Variants in BLNK observed in about 807,000 individuals in gnomAD.
BLNK encodes the protein B-cell linker protein.
A neutral mutation model predicts 73.5 loss-of-function variants in BLNK; 29 were observed. The observed-to-expected ratio is 0.39, with a 90% CI of 0.29 to 0.54. BLNK has a LOEUF of 0.54. BLNK is among the 20% of genes least tolerant of loss of function. The pLI is 0.61. For missense variants in BLNK, 460 were observed against 562.8 expected, an observed-to-expected ratio of 0.82 and a Z score of 1.85; for synonymous variants, 176 against 200.8, an observed-to-expected ratio of 0.88 and a Z score of 1.04.
intron 13 of BLNK, 97 bp from the exon 14 acceptor site, chr10:96,201,155 A>T (rs1411950398): frequency 1.3e-5 from 14 of 1,094,372 alleles, no homozygotes; most frequent in African/African-American, 1.5e-5. Flanking sequence ...TGCCAGGGAC[A>T]CATCCACCAA....
chr10:96,220,505 G>A (rs943342921), intron 6 of BLNK, among the ~76,000 whole-genome samples: 2 of 152,136 alleles, frequency 1.3e-5, no homozygotes, highest in African/African-American at 4.8e-5. Flanking sequence ...TCCCAGCATT[G>A]CAATTCAATG....
intron 1 of BLNK, among the ~76,000 whole-genome samples, chr10:96,261,710 A>AT (rs1438144751): frequency 2.6e-5 from 4 of 152,144 alleles, no homozygotes; most frequent in African/African-American, 4.8e-5. Context: ...TTTTTCAATG[A>AT]TTTTATATTA....
At chr10:96,231,600 A>C (rs1186021475) in intron 3 of BLNK, among the ~76,000 whole-genome samples, 1 of 151,942 alleles carries the variant, frequency 6.6e-6, no homozygotes, top group African/African-American at 2.4e-5. Context: ...GGTGGTCCAT[A>C]TCTGTAGTTC....
intron 4 of BLNK, among the ~76,000 whole-genome samples, chr10:96,229,258 C>A (rs1346554837): frequency 6.6e-6 from 1 of 151,004 alleles, no homozygotes; most frequent in East Asian, 2.0e-4. Flanking sequence ...CCTTCCCAGC[C>A]TCTGGTAAAC....
At chr10:96,208,920 C>A (rs1436339408) in intron 9 of BLNK, among the ~76,000 whole-genome samples, 1 of 152,182 alleles carries the variant, frequency 6.6e-6, no homozygotes, top group Admixed American at 6.5e-5. Flanking sequence ...AAACCTTCAA[C>A]ATGGAGGCTT....
chr10:96,206,993 C>G lies in BLNK; in HGVS notation c.817+18G>C, dbSNP rs782678188. 2.5e-6 allele frequency: 4 copies of G among 1,611,938 alleles called. No individual in the cohort carries two copies. Among genetic ancestry groups the G allele is most frequent in the Non-Finnish European group, 2.5e-6 (3 of 1,178,268 alleles). ...ACTTTTAGAGGACATGCTCATCCTT[C>G]AAAATAATAGATTTTACCTTCACAA... On this transcript the variant is annotated intron_variant, in intron 11 of 16. Coordinates refer to ENST00000224337, the MANE Select transcript of BLNK (RefSeq NM_013314.4).
At chr10:96,218,598 G>A (rs1221574819) in intron 6 of BLNK, among the ~76,000 whole-genome samples, 1 of 151,972 alleles carries the variant, frequency 6.6e-6, no homozygotes, top group Non-Finnish European at 1.5e-5. Context: ...AGAGGCTGAG[G>A]TGGGAAGGTT....
intron 1 of BLNK, among the ~76,000 whole-genome samples, chr10:96,249,992 C>T (rs569550120): frequency 6.6e-5 from 10 of 152,244 alleles, no homozygotes; most frequent in African/African-American, 1.4e-4. Flanking sequence ...GAATTATCTA[C>T]GTAAGTGAGG....
Position 96,191,239 on chromosome 10 carries a change from T to A in BLNK, c.*734A>T, listed in dbSNP as rs1437235191. Among the ~76,000 whole-genome samples, 2 of 135,672 alleles carry A rather than the reference T, an allele frequency of 1.5e-5. No individual in the cohort carries two copies. The highest frequency in any genetic ancestry group is 3.4e-5 in the Non-Finnish European group (2 of 58,134). 89.0% of individuals were successfully genotyped at this position (135,672 alleles called of 152,430 possible). On this transcript the variant is annotated 3_prime_UTR_variant, in exon 17 of 17. Coordinates refer to ENST00000224337, the MANE Select transcript of BLNK (RefSeq NM_013314.4). ...AACTGTGAGTCCATTAAACCTCTTT[T>A]TTTTTTTTTTTTTTTATGTAAATCA... is the stretch of plus-strand genomic sequence containing the variant.
intron 4 of BLNK, among the ~76,000 whole-genome samples, chr10:96,228,462 G>A (rs1842367624): frequency 6.6e-6 from 1 of 152,124 alleles, no homozygotes; most frequent in Non-Finnish European, 1.5e-5. Context: ...TCACCATGTT[G>A]GCCAGGCTGG....
At chr10:96,218,679 C>CAA (rs10706950) in intron 6 of BLNK, among the ~76,000 whole-genome samples, 1 of 124,268 alleles carries the variant, frequency 8.0e-6, no homozygotes, top group African/African-American at 3.0e-5. Flanking sequence ...ACCTTGTCTC[C>CAA]AAAAAAAAAA....
chr10:96,266,881 TACTG>T (rs1554914411), intron 1 of BLNK, among the ~76,000 whole-genome samples: 1 of 152,254 alleles, frequency 6.6e-6, no homozygotes, highest in South Asian at 2.1e-4. Flanking sequence ...TGACTTGGTA[TACTG>T]ACTAAGTGGC....
chr10:96,230,250 T>C (rs1489311785), intron 4 of BLNK, among the ~76,000 whole-genome samples: 2 of 152,188 alleles, frequency 1.3e-5, no homozygotes, highest in African/African-American at 2.4e-5. Flanking sequence ...AATGTTCTCT[T>C]GATCACAGCA....
At chr10:96,194,802 G>A (rs1216328928) in intron 16 of BLNK, among the ~76,000 whole-genome samples, 1 of 123,670 alleles carries the variant, frequency 8.1e-6, no homozygotes, top group African/African-American at 3.1e-5. Flanking sequence ...ACGGAGTCTC[G>A]CTCTGTCGCC....
chr10:96,257,246 G>C (rs1554911446), intron 1 of BLNK, among the ~76,000 whole-genome samples: 2 of 152,178 alleles, frequency 1.3e-5, no homozygotes, highest in African/African-American at 4.8e-5. Flanking sequence ...CCAAGGAGAT[G>C]GGGGGTTACA....
In BLNK at chr10:96,201,975, C is replaced by A. The variant is rs587746956; in HGVS notation, c.935-917G>T. 2.8e-4 allele frequency among the ~76,000 whole-genome samples: 43 copies of A among 152,176 alleles called. 2 individuals are homozygous for A. The South Asian group carries it at 8.7e-3, about 31-fold the overall frequency. On this transcript the variant is annotated intron_variant, in intron 13 of 16. Transcript: ENST00000224337. ...GAAAGGAAGAATATGTGGGTGAGAT[C>A]TGCAGGTGGAGAGGGAGGAGGCACT...
chr10:96,189,586 G>C lies in BLNK; in HGVS notation c.*2387C>G. On this transcript the variant is annotated 3_prime_UTR_variant, in exon 17 of 17. Transcript: ENST00000224337. ...AAGGATTCTTGTCCTTTTAATCTTG[G>C]TGTTGATGATGGGTTTGAGTGTTTT... 1.5e-6 allele frequency: 1 copy of C among 684,582 alleles called. No homozygotes were observed. The highest frequency in any genetic ancestry group is 2.9e-5 in the East Asian group (1 of 34,370). 42.4% of individuals were successfully genotyped at this position (684,582 alleles called of 1,614,324 possible).
At chr10:96,270,037 T>A (rs1052444045) in intron 1 of BLNK, among the ~76,000 whole-genome samples, 12 of 152,200 alleles carry the variant, frequency 7.9e-5, no homozygotes, top group Admixed American at 2.0e-4. Flanking sequence ...GCTTACAGCT[T>A]CCATTGTATC....
intron 9 of BLNK, among the ~76,000 whole-genome samples, chr10:96,209,191 A>G (rs184820714): frequency 1.5e-4 from 23 of 152,222 alleles, no homozygotes; most frequent in African/African-American, 5.5e-4. Flanking sequence ...CACATAGTAT[A>G]TATCTACACA....
Sources: gnomAD v4.1 joint callset for allele counts (sites outside exome capture counted in the v4.1 genomes callset) on GRCh38, gnomAD v4.1.1 for gene constraint, MANE v1.5 for transcripts, NCBI Gene and HGNC (gene_info 2026-07-23, HGNC 2026-07-21) for gene names.